TTC21B: variants seen among roughly 807,000 people sequenced by gnomAD.
The protein encoded by TTC21B is tetratricopeptide repeat domain 21B.
In TTC21B, 127 loss-of-function variants were observed where a neutral mutation model predicts 175.1. That is an observed-to-expected ratio of 0.73 (90% CI 0.63 to 0.84). TTC21B has a LOEUF of 0.84. Among genes scored for constraint, TTC21B ranks in the 40% least tolerant of loss-of-function variants. TTC21B has a pLI of 0.00. For missense variants in TTC21B, 1,561 were observed against 1,558.3 expected (o/e 1.00, Z -0.03); for synonymous variants, 524 against 524.5 (o/e 1.00, Z 0.01).
At chr2:165,904,230 G>A (rs1001257274) in intron 19 of TTC21B, among the ~76,000 whole-genome samples, 1 of 151,950 alleles carries the variant, frequency 6.6e-6, no homozygotes, top group Non-Finnish European at 1.5e-5. Flanking sequence ...ACCTATGGCT[G>A]GGTGCAATTC....
intron 15 of TTC21B, among the ~76,000 whole-genome samples, chr2:165,914,553 A>C (rs965450218): frequency 6.6e-6 from 1 of 152,134 alleles, no homozygotes; most frequent in African/African-American, 2.4e-5. Flanking sequence ...TTACTTCATC[A>C]ACAGTTTACT....
At chr2:165,947,115 ACT>A (rs1687597648) in intron 3 of TTC21B, 1 of 133,592 alleles carries the variant, frequency 7.5e-6, no homozygotes, top group African/African-American at 3.0e-5. Context: ...TAAATAGATA[ACT>A]CTATTCACTT....
At chr2:165,888,538 A>G (rs1420740244) in intron 24 of TTC21B, 64 bp from the exon 25 acceptor site, 2 of 1,349,896 alleles carry the variant, frequency 1.5e-6, no homozygotes, top group Non-Finnish European at 2.1e-6. Flanking sequence ...TTGAGATTAG[A>G]ATCAGCTTTT....
Position 165,949,695 on chromosome 2 carries a change from T to C in TTC21B, c.51A>G (p.Arg17=), listed in dbSNP as rs1242174524. The C allele has an allele frequency of 1.7e-5, 27 of 1,611,650 alleles. No homozygotes were observed. The highest frequency in any genetic ancestry group is 2.2e-5 in the East Asian group (1 of 44,804). Residue 17 remains arginine, a synonymous_variant, in exon 2 of 29, where the codon AGA becomes AGG. Transcript: ENST00000243344. ...CAACCAGTAATACATGATGGAAATA[T>C]CTCTCTTGACAATAGTAATTAATCA... ...KTLINYYCQE[R]YFHHVLLVAS... is the part of the protein sequence containing the mutation.
chr2:165,919,635 A>G (rs140909943), intron 12 of TTC21B, among the ~76,000 whole-genome samples: 64 of 152,316 alleles, frequency 4.2e-4, no homozygotes, highest in African/African-American at 1.5e-3. Flanking sequence ...CCTGCAAGTC[A>G]GGCAAGTTCT....
In TTC21B at chr2:165,927,297, T is replaced by TATA. The variant is rs1559064891; in HGVS notation, c.1386+1835_1386+1837dup. ...ATATATATATATATCCTAGTAGTTATATATATATATTATATATTATATAAT... is the reference window on the plus strand; with the variant it reads ...ATATATATATATATCCTAGTAGTTATATAATATATATATTATATATTATATAAT... On this transcript the variant is annotated intron_variant, in intron 11 of 28. Coordinates refer to ENST00000243344, the MANE Select transcript of TTC21B (RefSeq NM_024753.5). Among the ~76,000 whole-genome samples, 129 of 98,990 alleles carry TATA rather than the reference T, an allele frequency of 1.3e-3. 1 individual carries two copies. Among genetic ancestry groups the TATA allele is most frequent in the Non-Finnish European group, 2.0e-3 (107 of 53,422 alleles). The allele number at this position is 98,990 out of a possible 152,430, so 64.9% of individuals were successfully genotyped here.
At chr2:165,897,651 A>G (rs1559045538) in intron 22 of TTC21B, among the ~76,000 whole-genome samples, 1 of 152,208 alleles carries the variant, frequency 6.6e-6, no homozygotes, top group Admixed American at 6.5e-5. Context: ...ACATCTGCAC[A>G]TACATGGGAT....
At chr2:165,900,606 T>C (rs1685527184) in intron 20 of TTC21B, among the ~76,000 whole-genome samples, 2 of 152,212 alleles carry the variant, frequency 1.3e-5, no homozygotes, top group South Asian at 2.1e-4. Flanking sequence ...TATGAGGTCA[T>C]AGATTGAGCC....
chr2:165,917,148 G>A (rs1686205465), intron 14 of TTC21B, 109 bp downstream of exon 14: 17 of 1,033,932 alleles, frequency 1.6e-5, no homozygotes, highest in Non-Finnish European at 2.5e-5. Context: ...CAAAGTGCTG[G>A]GATTACAGGT....
At chr2:165,947,171 T>TATATATATATATATATATAC (rs1687602810) in intron 3 of TTC21B, 1 of 43,054 alleles carries the variant, frequency 2.3e-5, no homozygotes, top group Non-Finnish European at 7.7e-5. Flanking sequence ...CCCTCCCCCA[T>TATATATATATATATATATAC]ATATATATAT....
At chr2:165,934,213 C>T (rs1687022362) in intron 6 of TTC21B, 1 of 151,832 alleles carries the variant, frequency 6.6e-6, no homozygotes, top group African/African-American at 2.4e-5. Context: ...AAATTTAATG[C>T]AATTCAAACC....
intron 6 of TTC21B, among the ~76,000 whole-genome samples, chr2:165,933,549 T>G (rs1686991891): frequency 6.6e-6 from 1 of 152,116 alleles, no homozygotes; most frequent in Non-Finnish European, 1.5e-5. Flanking sequence ...ATAACAGGCA[T>G]AAACTTAAGA....
In TTC21B at chr2:165,934,517, A is replaced by G. The variant is rs113489411; in HGVS notation, c.711-1460T>C. Among the ~76,000 whole-genome samples, 869 of 116,566 alleles carry G rather than the reference A, an allele frequency of 7.5e-3. 12 individuals are homozygous for G. Among genetic ancestry groups the G allele is most frequent in the African/African-American group, 0.024 (754 of 31,130 alleles). 76.5% of individuals were successfully genotyped at this position (116,566 alleles called of 152,430 possible). ...CTCTGTCTCAAAAAAAAAAAAAAAA[A>G]AAAAGAAAAGAAACGAAACATGATG... is the stretch of plus-strand genomic sequence containing the variant. On this transcript the variant is annotated intron_variant, in intron 6 of 28. Coordinates refer to ENST00000243344, the MANE Select transcript of TTC21B (RefSeq NM_024753.5).
intron 17 of TTC21B, among the ~76,000 whole-genome samples, chr2:165,912,123 A>G (rs927877231): frequency 6.6e-6 from 1 of 152,210 alleles, no homozygotes; most frequent in East Asian, 1.9e-4. Context: ...CAAGAATATA[A>G]CAGTTCAAGA....
chr2:165,906,056 A>T (rs1160128878), intron 19 of TTC21B, among the ~76,000 whole-genome samples: 1 of 152,076 alleles, frequency 6.6e-6, no homozygotes, highest in South Asian at 2.1e-4. Context: ...ACTCCATAAA[A>T]ATTCAATGTT....
intron 27 of TTC21B, among the ~76,000 whole-genome samples, chr2:165,877,421 G>A (rs1684701952): frequency 6.6e-6 from 1 of 152,104 alleles, no homozygotes; most frequent in Non-Finnish European, 1.5e-5. Flanking sequence ...ACATGATGGT[G>A]GTCCCAAAGA....
chr2:165,917,829 T>G (rs2105327537), intron 13 of TTC21B, among the ~76,000 whole-genome samples: 2 of 152,338 alleles, frequency 1.3e-5, no homozygotes, highest in South Asian at 4.1e-4. Flanking sequence ...CTTCTACAAC[T>G]GATATGAAGT....
rs144830659 is a variant in TTC21B, at chr2:165,947,082, T to C, written c.263-1392A>G. ...TAAAAAGATGGCATAATTGCTGTTA[T>C]AGTTTAATACTGACTGCTCCCTTAA... On this transcript the variant is annotated intron_variant, in intron 3 of 28. Coordinates refer to ENST00000243344, the MANE Select transcript of TTC21B (RefSeq NM_024753.5). The C allele has an allele frequency of 8.2e-4, 122 of 148,896 alleles. 1 individual carries two copies. Among genetic ancestry groups the C allele is most frequent in the African/African-American group, 2.8e-3 (113 of 39,920 alleles). 9.2% of individuals were successfully genotyped at this position (148,896 alleles called of 1,614,324 possible).
intron 6 of TTC21B, among the ~76,000 whole-genome samples, chr2:165,936,065 T>A (rs1487958262): frequency 6.6e-6 from 1 of 151,650 alleles, no homozygotes; most frequent in Non-Finnish European, 1.5e-5. Context: ...CCTCAAGACT[T>A]ACTATAAAGC....
Sources: gnomAD v4.1 joint callset for allele counts (sites outside exome capture counted in the v4.1 genomes callset) on GRCh38, gnomAD v4.1.1 for gene constraint, MANE v1.5 for transcripts, NCBI Gene and HGNC (gene_info 2026-07-23, HGNC 2026-07-21) for gene names.